IPO11: variants seen among roughly 807,000 people sequenced by gnomAD.
The protein encoded by IPO11 is importin 11.
IPO11 carries 66 observed loss-of-function variants against 143.2 expected under a neutral mutation model. The observed-to-expected ratio is 0.46, with a 90% CI of 0.38 to 0.57. The LOEUF is 0.57. IPO11 is among the 20% of genes least tolerant of loss of function. IPO11 has a pLI of 0.00. For synonymous variants in IPO11, 385 were observed against 377.8 expected, an observed-to-expected ratio of 1.02 and a Z score of -0.22; for missense variants, 1,026 against 1,141.0, an observed-to-expected ratio of 0.90 and a Z score of 1.45.
intron 19 of IPO11, among the ~76,000 whole-genome samples, chr5:62,513,848 A>C: frequency 7.0e-6 from 1 of 142,736 alleles, no homozygotes; most frequent in South Asian, 2.3e-4. Context: ...GGCGGTTGCC[A>C]GGAGGAGGGT....
intron 3 of IPO11, among the ~76,000 whole-genome samples, chr5:62,444,847 C>A (rs552073034): frequency 6.7e-6 from 1 of 149,912 alleles, no homozygotes; most frequent in African/African-American, 2.5e-5. Context: ...CCAGCCTGGG[C>A]GACACAGTGA....
At chr5:62,610,160 G>C (rs905650182) in intron 29 of IPO11, among the ~76,000 whole-genome samples, 13 of 152,184 alleles carry the variant, frequency 8.5e-5, no homozygotes, top group Admixed American at 8.5e-4. Context: ...CATACTGTTT[G>C]AGTGAATAAA....
At chr5:62,455,377 G>C (rs1269306160) in intron 5 of IPO11, among the ~76,000 whole-genome samples, 1 of 152,118 alleles carries the variant, frequency 6.6e-6, no homozygotes. Flanking sequence ...AAAAAAATTA[G>C]CTGGGCATGG....
intron 19 of IPO11, among the ~76,000 whole-genome samples, chr5:62,514,131 C>T (rs1199122650): frequency 1.3e-5 from 2 of 151,420 alleles, no homozygotes; most frequent in African/African-American, 4.9e-5. Flanking sequence ...CAGAGGGGCT[C>T]CTCACATCCC....
chr5:62,535,530 A>T lies in IPO11; in HGVS notation c.2090-1172A>T, dbSNP rs563907050. Among the ~76,000 whole-genome samples, 3 of 152,184 alleles carry T rather than the reference A, an allele frequency of 2.0e-5. No individual in the cohort carries two copies. In the South Asian group the frequency reaches 6.2e-4, roughly 31 times the overall value. On this transcript the variant is annotated intron_variant, in intron 22 of 29. Coordinates refer to ENST00000325324, the MANE Select transcript of IPO11 (RefSeq NM_016338.5). The stretch of plus-strand genomic sequence containing the variant: ...TATCTTCTTTTGTAAAAAGATACTT[A>T]GATGACAGTTTTTGGTTTTTTTATG...
rs573339421 is a variant in IPO11, at chr5:62,576,603, C to A, written c.2583-14974C>A. Among the ~76,000 whole-genome samples, 8 of 152,232 alleles carry A rather than the reference C, an allele frequency of 5.3e-5. No individual in the cohort carries two copies. In the South Asian group the frequency reaches 1.2e-3, roughly 24 times the overall value. On this transcript the variant is annotated intron_variant, in intron 27 of 29. Coordinates refer to ENST00000325324, the MANE Select transcript of IPO11 (RefSeq NM_016338.5). Reference sequence around the variant, plus strand: ...CCTACTAGTTCAAGACCAGCCTGAGCAGAATGGCAAGACTCCGTCTTTACA... The same window carrying A: ...CCTACTAGTTCAAGACCAGCCTGAGAAGAATGGCAAGACTCCGTCTTTACA...
chr5:62,443,912 CTG>C (rs1240622743), intron 3 of IPO11, among the ~76,000 whole-genome samples: 1 of 152,094 alleles, frequency 6.6e-6, no homozygotes, highest in Non-Finnish European at 1.5e-5. Context: ...GTAACATAAT[CTG>C]TGTTTTCCAG....
Position 62,442,348 on chromosome 5 carries a change from G to C in IPO11, c.139-635G>C, listed in dbSNP as rs1220743268. ...ATGGTATTCATTTGAAAAATAATTA[G>C]GTTTGCTTGTTTCTGAATTTAATTT... On this transcript the variant is annotated intron_variant, in intron 2 of 29. Coordinates refer to ENST00000325324, the MANE Select transcript of IPO11 (RefSeq NM_016338.5). Among the ~76,000 whole-genome samples the C allele has an allele frequency of 7.2e-5, 11 of 151,920 alleles. No individual in the cohort carries two copies. In the East Asian group the frequency reaches 1.9e-3, roughly 27 times the overall value.
chr5:62,561,012 C>T (rs1743751058), intron 26 of IPO11, 124 bp from the exon 27 acceptor site: 5 of 802,394 alleles, frequency 6.2e-6, no homozygotes, highest in Non-Finnish European at 9.3e-6. Context: ...TCAGGTATTC[C>T]AGTTCTGTGG....
At chr5:62,441,629 C>T (rs1291059143) in intron 2 of IPO11, among the ~76,000 whole-genome samples, 1 of 149,578 alleles carries the variant, frequency 6.7e-6, no homozygotes, top group Non-Finnish European at 1.5e-5. Flanking sequence ...AATTCTCCTG[C>T]CTCAGCCTAC....
At chr5:62,620,733 A>C (rs1746325269) in intron 29 of IPO11, among the ~76,000 whole-genome samples, 1 of 152,180 alleles carries the variant, frequency 6.6e-6, no homozygotes, top group Non-Finnish European at 1.5e-5. Context: ...GGCTTCAAAG[A>C]GAATAAATTA....
chr5:62,562,497 A>G (rs1348553296), intron 27 of IPO11, among the ~76,000 whole-genome samples: 1 of 152,126 alleles, frequency 6.6e-6, no homozygotes, highest in African/African-American at 2.4e-5. Context: ...CCTTGCATGC[A>G]CTGTTCACAA....
intron 2 of IPO11, among the ~76,000 whole-genome samples, chr5:62,440,368 T>TTTTA (rs1353366205): frequency 7.0e-4 from 104 of 147,952 alleles, no homozygotes; most frequent in African/African-American, 2.5e-3. Context: ...TTTTTTTTTT[T>TTTTA]ATCTGAGGTG....
chr5:62,612,637 G>A (rs1234004578), intron 29 of IPO11, among the ~76,000 whole-genome samples: 1 of 152,132 alleles, frequency 6.6e-6, no homozygotes, highest in African/African-American at 2.4e-5. Flanking sequence ...ATATTAACAT[G>A]TAATGGATTT....
Position 62,487,288 on chromosome 5 carries a change from C to T in IPO11, c.1219-483C>T, listed in dbSNP as rs1023875333. Among the ~76,000 whole-genome samples the T allele has an allele frequency of 3.3e-5, 5 of 151,926 alleles. No individual in the cohort carries two copies. The South Asian group carries it at 8.3e-4, about 25-fold the overall frequency. On this transcript the variant is annotated intron_variant, in intron 12 of 29. Coordinates refer to ENST00000325324, the MANE Select transcript of IPO11 (RefSeq NM_016338.5). Reference sequence around the variant, plus strand: ...GCTAAGAAAATACATAATAGCTACTCGGGAGGCTGAAGCAGGGGAATCGCT... The same window carrying T: ...GCTAAGAAAATACATAATAGCTACTTGGGAGGCTGAAGCAGGGGAATCGCT...
intron 15 of IPO11, among the ~76,000 whole-genome samples, chr5:62,490,955 C>T (rs1292420872): frequency 6.6e-6 from 1 of 152,090 alleles, no homozygotes; most frequent in Non-Finnish European, 1.5e-5. Flanking sequence ...CATTTAAGCA[C>T]TTGTCTACTT....
intron 19 of IPO11, among the ~76,000 whole-genome samples, chr5:62,510,687 GT>G (rs1020070445): frequency 1.3e-5 from 2 of 152,056 alleles, no homozygotes; most frequent in Non-Finnish European, 2.9e-5. Context: ...TTAATGCCCA[GT>G]TTTTTTCTCC....
At chr5:62,481,278 C>G (rs1029193429) in intron 9 of IPO11, among the ~76,000 whole-genome samples, 1 of 152,154 alleles carries the variant, frequency 6.6e-6, no homozygotes, top group Admixed American at 6.5e-5. Flanking sequence ...TTGCCCTGGC[C>G]GGAACTTCCA....
intron 21 of IPO11, among the ~76,000 whole-genome samples, chr5:62,528,829 T>G (rs1742450969): frequency 6.6e-6 from 1 of 152,156 alleles, no homozygotes. Context: ...AATTTGAATT[T>G]ATTAGGGATA....
Sources: gnomAD v4.1 joint callset for allele counts (sites outside exome capture counted in the v4.1 genomes callset) on GRCh38, gnomAD v4.1.1 for gene constraint, MANE v1.5 for transcripts, NCBI Gene and HGNC (gene_info 2026-07-23, HGNC 2026-07-21) for gene names.